COL21A1: variants seen among roughly 807,000 people sequenced by gnomAD.
COL21A1 encodes the protein collagen alpha-1(XXI) chain.
COL21A1 carries 149 observed loss-of-function variants against 137.9 expected under a neutral mutation model. The observed-to-expected ratio is 1.08, with a 90% CI of 0.95 to 1.24. The LOEUF is 1.24. Ranked by LOEUF, COL21A1 falls within the 50% of genes most tolerant of loss-of-function variation. The probability of loss-of-function intolerance (pLI) is 0.00; values close to 1 mark genes in which losing one functional copy is unlikely to be tolerated. For missense variants in COL21A1, 1,167 were observed against 1,158.4 expected (o/e 1.01, Z -0.11); for synonymous variants, 456 against 391.5 (o/e 1.16, Z -1.95).
chr6:56,319,788 A>C (rs1247688498), intron 1 of COL21A1, among the ~76,000 whole-genome samples: 1 of 152,124 alleles, frequency 6.6e-6, no homozygotes, highest in African/African-American at 2.4e-5. Flanking sequence ...TAGCCATGGA[A>C]TATATACCTG....
intron 10 of COL21A1, among the ~76,000 whole-genome samples, chr6:56,154,802 C>T (rs1775613073): frequency 6.6e-6 from 1 of 152,118 alleles, no homozygotes; most frequent in Non-Finnish European, 1.5e-5. Context: ...AAAAATGCTG[C>T]CCCAACAACC....
intron 29 of COL21A1, among the ~76,000 whole-genome samples, chr6:56,058,633 TTAA>T (rs776499496): frequency 1.7e-4 from 26 of 152,306 alleles, no homozygotes; most frequent in Middle Eastern, 3.4e-3. Flanking sequence ...CCAAAGCCTA[TTAA>T]TAACATCTAA....
intron 1 of COL21A1, among the ~76,000 whole-genome samples, chr6:56,387,033 C>T (rs2094019510): frequency 6.6e-6 from 1 of 152,182 alleles, no homozygotes; most frequent in African/African-American, 2.4e-5. Context: ...ACTCACCTTG[C>T]AAATGTCAAA....
At chr6:56,206,693 AATAAATATATATATATATATATATATAT>A (rs1441154766) in intron 1 of COL21A1, among the ~76,000 whole-genome samples, 14 of 127,908 alleles carry the variant, frequency 1.1e-4, no homozygotes, top group Admixed American at 2.5e-4. Flanking sequence ...TAAATAAATA[AATAAATATATATATATATATATATATAT>A]ATATATATAT....
At chr6:56,185,027 T>C (rs891175019) in intron 1 of COL21A1, among the ~76,000 whole-genome samples, 3 of 152,058 alleles carry the variant, frequency 2.0e-5, no homozygotes, top group African/African-American at 7.2e-5. Flanking sequence ...TTTAAATATT[T>C]CAAACTGAAT....
intron 1 of COL21A1, among the ~76,000 whole-genome samples, chr6:56,284,873 A>C (rs1212788229): frequency 1.3e-5 from 2 of 152,162 alleles, no homozygotes; most frequent in Non-Finnish European, 2.9e-5. Context: ...GGGTCCATGG[A>C]CATGGTTTTC....
intron 12 of COL21A1, 140 bp downstream of exon 12, chr6:56,141,645 C>G (rs939881944): frequency 1.3e-6 from 1 of 792,408 alleles, no homozygotes; most frequent in Non-Finnish European, 2.1e-6. Context: ...GCTTTATTGT[C>G]TAATAGCCAC....
intron 1 of COL21A1, among the ~76,000 whole-genome samples, chr6:56,331,456 A>G (rs1319785606): frequency 6.6e-6 from 1 of 152,006 alleles, no homozygotes; most frequent in Non-Finnish European, 1.5e-5. Flanking sequence ...AATTTTTTAT[A>G]TGGTGAAAGA....
chr6:56,376,244 A>G (rs1421897461), intron 1 of COL21A1, among the ~76,000 whole-genome samples: 1 of 152,206 alleles, frequency 6.6e-6, no homozygotes, highest in Admixed American at 6.5e-5. Context: ...TGGCTGCAAC[A>G]TTTGAGAAGA....
intron 1 of COL21A1, among the ~76,000 whole-genome samples, chr6:56,354,447 T>A (rs1765786057): frequency 6.6e-6 from 1 of 151,872 alleles, no homozygotes; most frequent in African/African-American, 2.4e-5. Flanking sequence ...ACAAAAAGAG[T>A]AGCCATTTTA....
At chr6:56,062,796 T>G (rs947833146) in intron 24 of COL21A1, among the ~76,000 whole-genome samples, 1 of 152,116 alleles carries the variant, frequency 6.6e-6, no homozygotes, top group Non-Finnish European at 1.5e-5. Flanking sequence ...GCGGGAGTGA[T>G]CCTTACAAGA....
At chr6:56,203,597 G>A (rs75788586) in intron 1 of COL21A1, among the ~76,000 whole-genome samples, 5,036 of 152,300 alleles carry the variant, frequency 0.033, 111 homozygotes, top group Middle Eastern at 0.054. Flanking sequence ...ACTGGGATTA[G>A]ATCAACGGGA....
chr6:56,239,437 C>T (rs7773890), intron 1 of COL21A1, among the ~76,000 whole-genome samples: 15,442 of 151,988 alleles, frequency 0.1, 1,795 homozygotes, highest in African/African-American at 0.29. Flanking sequence ...AGCATAAAAA[C>T]GTCTACCATC....
intron 1 of COL21A1, among the ~76,000 whole-genome samples, chr6:56,226,814 T>A (rs566380427): frequency 5.5e-4 from 84 of 152,008 alleles, no homozygotes; most frequent in Non-Finnish European, 9.1e-4. Context: ...AGTTATGTTG[T>A]TATGACAATG....
At chr6:56,190,346 A>C (rs1311026142) in intron 1 of COL21A1, among the ~76,000 whole-genome samples, 1 of 152,238 alleles carries the variant, frequency 6.6e-6, no homozygotes, top group African/African-American at 2.4e-5. Context: ...TCTAGAATAA[A>C]TGGATAAATT....
At chr6:56,187,319 A>G (rs2152287019) in intron 1 of COL21A1, among the ~76,000 whole-genome samples, 1 of 152,338 alleles carries the variant, frequency 6.6e-6, no homozygotes, top group Admixed American at 6.5e-5. Flanking sequence ...TCTAACGGTG[A>G]GAACAGAACC....
chr6:56,066,261 A>C (rs910238107), intron 23 of COL21A1, among the ~76,000 whole-genome samples: 5 of 151,988 alleles, frequency 3.3e-5, no homozygotes, highest in Admixed American at 2.0e-4. Context: ...AAAACAACTG[A>C]ATTTTGTCAT....
At chr6:56,089,989 C>T (rs896241515) in intron 17 of COL21A1, among the ~76,000 whole-genome samples, 1 of 152,192 alleles carries the variant, frequency 6.6e-6, no homozygotes, top group African/African-American at 2.4e-5. Flanking sequence ...CGCCTGTAAT[C>T]CCAGCACTTT....
intron 1 of COL21A1, among the ~76,000 whole-genome samples, chr6:56,260,565 C>G (rs1343435726): frequency 1.1e-5 from 1 of 88,718 alleles, no homozygotes; most frequent in African/African-American, 3.6e-5. Context: ...CAGAACAAGA[C>G]TCTATCAAAA....
Sources: gnomAD v4.1 joint callset for allele counts (sites outside exome capture counted in the v4.1 genomes callset) on GRCh38, gnomAD v4.1.1 for gene constraint, MANE v1.5 for transcripts, NCBI Gene and HGNC (gene_info 2026-07-23, HGNC 2026-07-21) for gene names.